The following NELL1 variants were observed in gnomAD, a reference collection of about 807,000 sequenced individuals.
The protein encoded by NELL1 is protein kinase C-binding protein NELL1.
A neutral mutation model predicts 107.4 loss-of-function variants in NELL1; 76 were observed. That is an observed-to-expected ratio of 0.71 (90% CI 0.59 to 0.86). NELL1 has a LOEUF of 0.86. Ranked by LOEUF, NELL1 falls within the 40% of genes least tolerant of loss-of-function variation. The probability of loss-of-function intolerance (pLI) is 0.00; values close to 1 mark genes in which losing one functional copy is unlikely to be tolerated. For synonymous variants in NELL1, 353 were observed against 341.2 expected (o/e 1.03, Z -0.38); for missense variants, 1,024 against 1,005.5 (o/e 1.02, Z -0.25).
chr11:20,699,264 C>T (rs1289448588), intron 2 of NELL1, among the ~76,000 whole-genome samples: 1 of 152,032 alleles, frequency 6.6e-6, no homozygotes, highest in Non-Finnish European at 1.5e-5. Context: ...TAACGGTCTC[C>T]AACTCCATCC....
chr11:20,936,229 T>G (rs897028480), intron 9 of NELL1, among the ~76,000 whole-genome samples: 3 of 152,118 alleles, frequency 2.0e-5, no homozygotes, highest in African/African-American at 7.2e-5. Flanking sequence ...GCCAGGACTG[T>G]GTACCATGTT....
At chr11:21,150,689 T>G (rs1435780205) in intron 13 of NELL1, among the ~76,000 whole-genome samples, 1 of 152,202 alleles carries the variant, frequency 6.6e-6, no homozygotes, top group African/African-American at 2.4e-5. Flanking sequence ...TTTTAATTGC[T>G]GAGGGACAGC....
intron 2 of NELL1, among the ~76,000 whole-genome samples, chr11:20,728,323 T>C (rs964144556): frequency 6.6e-6 from 1 of 152,182 alleles, no homozygotes; most frequent in African/African-American, 2.4e-5. Flanking sequence ...AGCTTCTACT[T>C]GTCAATTTTT....
At chr11:20,921,801 T>TG (rs1321242532) in intron 7 of NELL1, among the ~76,000 whole-genome samples, 1 of 150,532 alleles carries the variant, frequency 6.6e-6, no homozygotes, top group East Asian at 1.9e-4. Flanking sequence ...TGTGTGTGTT[T>TG]TTTTTTTTTT....
intron 12 of NELL1, among the ~76,000 whole-genome samples, chr11:21,009,152 C>T (rs1852393017): frequency 6.6e-6 from 1 of 152,138 alleles, no homozygotes. Context: ...GGATGCTCAT[C>T]TCTGATTCAC....
chr11:20,897,282 T>C (rs1849762566), intron 5 of NELL1, among the ~76,000 whole-genome samples: 1 of 152,158 alleles, frequency 6.6e-6, no homozygotes, highest in Non-Finnish European at 1.5e-5. Flanking sequence ...ATCTGATTTT[T>C]GACAAACCTG....
chr11:20,818,406 C>CTTTTT (rs57318040), intron 3 of NELL1, among the ~76,000 whole-genome samples: 22 of 108,684 alleles, frequency 2.0e-4, no homozygotes, highest in African/African-American at 5.3e-4. Context: ...GCAACCCCTG[C>CTTTTT]TTTTTTTTTT....
At chr11:20,755,547 T>A (rs1297939407) in intron 2 of NELL1, among the ~76,000 whole-genome samples, 50 of 38,048 alleles carry the variant, frequency 1.3e-3, no homozygotes, top group South Asian at 6.1e-3. Flanking sequence ...TTTGTTTTTT[T>A]TTGTTTTTGT....
chr11:21,497,970 T>G (rs1439632182), intron 15 of NELL1, among the ~76,000 whole-genome samples: 1 of 152,160 alleles, frequency 6.6e-6, no homozygotes, highest in Non-Finnish European at 1.5e-5. Flanking sequence ...CTACTCCTTC[T>G]TTGTCTGTTA....
intron 14 of NELL1, among the ~76,000 whole-genome samples, chr11:21,365,620 G>C (rs1190509538): frequency 2.0e-5 from 3 of 152,136 alleles, no homozygotes; most frequent in Admixed American, 6.6e-5. Context: ...AACGTATATA[G>C]TAACTGATAG....
At chr11:20,699,363 C>T (rs532310743) in intron 2 of NELL1, among the ~76,000 whole-genome samples, 1 of 151,680 alleles carries the variant, frequency 6.6e-6, no homozygotes, top group South Asian at 2.1e-4. Flanking sequence ...TTTTCTTTTT[C>T]TTTTTCTTTT....
At chr11:21,328,533 A>G (rs1850198935) in intron 14 of NELL1, among the ~76,000 whole-genome samples, 1 of 152,140 alleles carries the variant, frequency 6.6e-6, no homozygotes, top group South Asian at 2.1e-4. Context: ...CTCCACACAG[A>G]GTTCCCACTG....
At chr11:20,690,844 A>T (rs1013952626) in intron 2 of NELL1, among the ~76,000 whole-genome samples, 1 of 150,138 alleles carries the variant, frequency 6.7e-6, no homozygotes, top group African/African-American at 2.4e-5. Context: ...CTTGATGGGG[A>T]TGGCATTGAA....
At chr11:20,934,117 C>A (rs1335333343) in intron 9 of NELL1, among the ~76,000 whole-genome samples, 1 of 151,988 alleles carries the variant, frequency 6.6e-6, no homozygotes, top group Non-Finnish European at 1.5e-5. Context: ...AAAAAATAAG[C>A]CTTTTGGCTA....
chr11:20,889,186 A>G (rs1047098511), intron 5 of NELL1, among the ~76,000 whole-genome samples: 1 of 152,250 alleles, frequency 6.6e-6, no homozygotes, highest in Non-Finnish European at 1.5e-5. Flanking sequence ...CCACACTTAG[A>G]TATACTGGCA....
chr11:21,074,686 T>C (rs1376740116), intron 12 of NELL1, among the ~76,000 whole-genome samples: 3 of 152,120 alleles, frequency 2.0e-5, no homozygotes, highest in African/African-American at 7.2e-5. Context: ...TGTTTTTTTT[T>C]TAAAGCAGAC....
chr11:21,552,597 C>T (rs1442995154), intron 16 of NELL1, among the ~76,000 whole-genome samples: 2 of 151,758 alleles, frequency 1.3e-5, no homozygotes, highest in African/African-American at 2.4e-5. Flanking sequence ...TTCCCTTGTC[C>T]CCAGAAAAGC....
intron 10 of NELL1, among the ~76,000 whole-genome samples, chr11:20,944,800 T>G (rs1170296814): frequency 6.6e-6 from 1 of 152,220 alleles, no homozygotes; most frequent in East Asian, 1.9e-4. Flanking sequence ...TTTGTCTCCA[T>G]TTAAATATTT....
rs200879703 is a variant in NELL1 at position 21,006,554 on chromosome 11, G to T, written c.1300+45994G>T. ...AAAAAACATTTTTATCAAATGCTTT[G>T]CCTGGAATCTCTAAGACTCAGAATG... On this transcript the variant is annotated intron_variant, in intron 12 of 19. Transcript: ENST00000357134. 2.4e-3 allele frequency among the ~76,000 whole-genome samples: 372 copies of T among 152,106 alleles called. 1 individual carries two copies. The highest frequency in any genetic ancestry group is 4.3e-3 in the Non-Finnish European group (289 of 67,978).
Sources: allele counts gnomAD v4.1 joint callset (sites outside exome capture counted in the v4.1 genomes callset), GRCh38; gene constraint gnomAD v4.1.1; transcripts MANE v1.5; gene names NCBI Gene and HGNC (gene_info 2026-07-23, HGNC 2026-07-21).